RICTOR: variants seen among roughly 807,000 people sequenced by gnomAD.
RICTOR encodes the protein RPTOR independent companion of MTOR complex 2.
A neutral mutation model predicts 214.9 loss-of-function variants in RICTOR; 49 were observed. The observed-to-expected ratio is 0.23, with a 90% CI of 0.18 to 0.29. The LOEUF (loss-of-function observed/expected upper bound fraction) is 0.29, where lower values mean the gene tolerates loss of function less well. Among genes scored for constraint, RICTOR ranks in the 10% least tolerant of loss-of-function variants. The pLI is 1.00. For synonymous variants in RICTOR, 717 were observed against 711.3 expected (o/e 1.01, Z -0.13); for missense variants, 1,625 against 2,047.0 (o/e 0.79, Z 3.98).
chr5:38,959,343 G>T (rs778290505), intron 21 of RICTOR, 22 bp from the exon 22 acceptor site: 4 of 1,362,458 alleles, frequency 2.9e-6, no homozygotes, highest in Admixed American at 2.3e-5. Context: ...AAAAAAATAA[G>T]AATGGTTAAA....
chr5:39,011,202 C>T (rs1456435226), intron 3 of RICTOR, among the ~76,000 whole-genome samples: 1 of 152,188 alleles, frequency 6.6e-6, no homozygotes, highest in Non-Finnish European at 1.5e-5. Context: ...AGAGCTCAGG[C>T]TGTTGCTTCA....
chr5:38,986,971 A>G (rs918427427), intron 7 of RICTOR, among the ~76,000 whole-genome samples: 2 of 152,148 alleles, frequency 1.3e-5, no homozygotes, highest in African/African-American at 4.8e-5. Flanking sequence ...TTCTGCATCT[A>G]TTGAGGTAAT....
chr5:39,027,046 A>G (rs1755885868), intron 2 of RICTOR, among the ~76,000 whole-genome samples: 1 of 152,140 alleles, frequency 6.6e-6, no homozygotes, highest in East Asian at 1.9e-4. Context: ...TCACATACTA[A>G]TTACTGAGCA....
chr5:39,000,568 A>G (rs1169029698), intron 5 of RICTOR, among the ~76,000 whole-genome samples: 2 of 152,034 alleles, frequency 1.3e-5, no homozygotes, highest in Non-Finnish European at 2.9e-5. Flanking sequence ...AATGCTTTCC[A>G]CCTGAGTTCA....
chr5:38,949,097 C>A (rs1048420741), intron 31 of RICTOR, among the ~76,000 whole-genome samples: 4 of 151,926 alleles, frequency 2.6e-5, no homozygotes, highest in African/African-American at 9.7e-5. Context: ...ATTATAGGTA[C>A]AAAATTTTTT....
At chr5:39,032,844 G>A (rs1405070565) in intron 2 of RICTOR, among the ~76,000 whole-genome samples, 2 of 152,156 alleles carry the variant, frequency 1.3e-5, no homozygotes, top group East Asian at 3.8e-4. Context: ...ATGGCACTAG[G>A]TCCCTTTAAC....
intron 2 of RICTOR, among the ~76,000 whole-genome samples, 161 bp from the exon 3 acceptor site, chr5:39,021,297 G>T (rs578126653): frequency 6.6e-6 from 1 of 152,216 alleles, no homozygotes; most frequent in South Asian, 2.1e-4. Context: ...AGTCTGTGAC[G>T]AATCCAATTA....
At position 38,938,917 on chromosome 5, in the gene RICTOR, T is replaced by C; in HGVS notation, c.*3387A>G. 1 of 233,102 alleles carries C rather than the reference T, an allele frequency of 4.3e-6. No individual in the cohort carries two copies. The highest frequency in any genetic ancestry group is 8.5e-6 in the Non-Finnish European group (1 of 117,694). 14.4% of individuals were successfully genotyped at this position (233,102 alleles called of 1,614,324 possible). The stretch of plus-strand genomic sequence containing the variant: ...AACAAAAGTCTCTCAATTTTACCTT[T>C]TCTTTTTTCCCCATGTTTTAATGGA... On this transcript the variant is annotated 3_prime_UTR_variant, in exon 38 of 38. Coordinates refer to ENST00000357387, the MANE Select transcript of RICTOR (RefSeq NM_152756.5).
intron 2 of RICTOR, among the ~76,000 whole-genome samples, chr5:39,030,550 C>G (rs1420394035): frequency 6.6e-6 from 1 of 151,996 alleles, no homozygotes; most frequent in African/African-American, 2.4e-5. Context: ...CTGTGTAGCT[C>G]TGTAATTTCT....
chr5:39,034,782 T>C (rs1470696084), intron 2 of RICTOR, among the ~76,000 whole-genome samples: 2 of 152,192 alleles, frequency 1.3e-5, no homozygotes, highest in South Asian at 2.1e-4. Flanking sequence ...GCGCCCGCCA[T>C]TGCTGAGGCT....
chr5:38,954,573 A>T, intron 27 of RICTOR: 1 of 471,378 alleles, frequency 2.1e-6, no homozygotes, highest in Non-Finnish European at 3.8e-6. Flanking sequence ...CAGTTAATGC[A>T]TTGCAAGGCC....
intron 2 of RICTOR, among the ~76,000 whole-genome samples, chr5:39,039,664 A>G (rs1338841638): frequency 6.6e-6 from 1 of 152,190 alleles, no homozygotes; most frequent in Non-Finnish European, 1.5e-5. Flanking sequence ...AAGGATATGA[A>G]CAGACACTTC....
At chr5:38,964,667 C>G in intron 16 of RICTOR, 125 bp downstream of exon 16, 1 of 471,670 alleles carries the variant, frequency 2.1e-6, no homozygotes, top group African/African-American at 2.0e-5. Flanking sequence ...TTTCCTTTAG[C>G]AAATTCCTTA....
At chr5:38,958,145 G>A (rs1185924728) in intron 24 of RICTOR, among the ~76,000 whole-genome samples, 1 of 152,030 alleles carries the variant, frequency 6.6e-6, no homozygotes, top group East Asian at 1.9e-4. Flanking sequence ...GCTGAGGCAG[G>A]AGAATCACTT....
intron 2 of RICTOR, among the ~76,000 whole-genome samples, chr5:39,030,381 G>A (rs1257186901): frequency 4.6e-5 from 7 of 152,046 alleles, no homozygotes; most frequent in African/African-American, 1.7e-4. Flanking sequence ...GTTGTCATAA[G>A]TATATTCTCA....
chr5:38,967,292 AC>A, intron 13 of RICTOR, 44 bp downstream of exon 13: 2 of 1,596,972 alleles, frequency 1.3e-6, no homozygotes, highest in Non-Finnish European at 1.7e-6. Context: ...TAACATAAAA[AC>A]CCGAATTCTA....
intron 36 of RICTOR, chr5:38,943,217 T>G (rs1747795072): frequency 2.7e-6 from 1 of 370,184 alleles, no homozygotes; most frequent in Non-Finnish European, 4.9e-6. Context: ...ATTGAAGCAT[T>G]CTTTTTTATT....
chr5:39,031,729 G>C (rs1436917309), intron 2 of RICTOR, among the ~76,000 whole-genome samples: 1 of 152,020 alleles, frequency 6.6e-6, no homozygotes, highest in Non-Finnish European at 1.5e-5. Context: ...TATCCAACTA[G>C]AAAAGTTGGA....
chr5:38,944,548 T>A lies in RICTOR; in HGVS notation c.4811A>T (p.Asp1604Val). The A allele has an allele frequency of 6.2e-7, 1 of 1,602,840 alleles. No homozygotes were observed. Among genetic ancestry groups the A allele is most frequent in the Non-Finnish European group, 8.5e-7 (1 of 1,176,500 alleles). ...AAGGAGTATACGGCACATTGGTGTA[T>A]CATCTGGAATTGTTTTAACACCTGA... ...LLLGVKTIPDDTPMCRILLRK... is the reference protein window; with the variant it reads ...LLLGVKTIPDVTPMCRILLRK... Residue 1604 changes from aspartate to valine, a missense_variant, in exon 36 of 38, where the codon GAT becomes GTT. Transcript: ENST00000357387.
Sources: gnomAD v4.1 joint callset for allele counts (sites outside exome capture counted in the v4.1 genomes callset) on GRCh38, gnomAD v4.1.1 for gene constraint, MANE v1.5 for transcripts, NCBI Gene and HGNC (gene_info 2026-07-23, HGNC 2026-07-21) for gene names.